NLRP3: variants seen among roughly 807,000 people sequenced by gnomAD.
NLRP3 encodes NACHT, LRR and PYD domains-containing protein 3.
In NLRP3, 48 loss-of-function variants were observed where a neutral mutation model predicts 91.3. That is an observed-to-expected ratio of 0.53 (90% CI 0.42 to 0.67). NLRP3 has a LOEUF of 0.67. NLRP3 is among the 30% of genes least tolerant of loss of function. The pLI, the probability that NLRP3 is intolerant of heterozygous loss-of-function variation, is 0.00. For missense variants in NLRP3, 982 were observed against 1,276.9 expected (o/e 0.77, Z 3.52); for synonymous variants, 561 against 507.9 (o/e 1.10, Z -1.41).
chr1:247,441,434 G>A (rs1664235792), intron 7 of NLRP3, among the ~76,000 whole-genome samples: 2 of 152,084 alleles, frequency 1.3e-5, no homozygotes, highest in South Asian at 4.1e-4. Context: ...AATTTTTTAT[G>A]TAGAGACAGG....
At chr1:247,433,525 C>T (rs1294451213) in intron 5 of NLRP3, among the ~76,000 whole-genome samples, 2 of 152,040 alleles carry the variant, frequency 1.3e-5, no homozygotes, top group African/African-American at 2.4e-5. Context: ...ACAGGTGATC[C>T]CTCTGCTGTG....
chr1:247,448,529 C>T lies in NLRP3; in HGVS notation c.*25C>T. Reference sequence around the variant, plus strand: ...GGAGTGGAAACGGGGCTGCCAGACGCCAGTGTTCTCCGGTCCCTCCAGCTG... The same window carrying T: ...GGAGTGGAAACGGGGCTGCCAGACGTCAGTGTTCTCCGGTCCCTCCAGCTG... On this transcript the variant is annotated 3_prime_UTR_variant, in exon 10 of 10. Coordinates refer to ENST00000336119, the MANE Select transcript of NLRP3 (RefSeq NM_001243133.2). 7.1e-7 allele frequency: 1 copy of T among 1,414,248 alleles called. No homozygotes were observed. The allele number at this position is 1,414,248 out of a possible 1,614,324, so 87.6% of individuals were successfully genotyped here. A position where few individuals can be genotyped will look rare whatever the true frequency, so the allele number is the denominator to read the frequency against.
At chr1:247,445,699 G>C (rs1190366049) in intron 9 of NLRP3, among the ~76,000 whole-genome samples, 1 of 152,126 alleles carries the variant, frequency 6.6e-6, no homozygotes, top group African/African-American at 2.4e-5. Context: ...CCCTGAAGAC[G>C]TTTTCACTGC....
At chr1:247,439,157 A>G (rs1375296846) in intron 7 of NLRP3, among the ~76,000 whole-genome samples, 2 of 152,172 alleles carry the variant, frequency 1.3e-5, no homozygotes, top group Admixed American at 6.5e-5. Flanking sequence ...GGTGGTATTT[A>G]TATCAGTAAT....
At chr1:247,443,900 C>T (rs1664412226) in intron 7 of NLRP3, 72 bp from the exon 8 acceptor site, 1 of 1,487,104 alleles carries the variant, frequency 6.7e-7, no homozygotes, top group Non-Finnish European at 9.3e-7. Context: ...GGACGAGGCA[C>T]TGAGTCAAAG....
intron 7 of NLRP3, among the ~76,000 whole-genome samples, chr1:247,436,346 C>G (rs541181276): frequency 2.0e-5 from 3 of 152,330 alleles, no homozygotes; most frequent in African/African-American, 7.2e-5. Flanking sequence ...GATTATAGAA[C>G]TAGAGTTTCT....
intron 7 of NLRP3, among the ~76,000 whole-genome samples, chr1:247,439,966 A>G (rs1664087292): frequency 6.6e-6 from 1 of 152,272 alleles, no homozygotes; most frequent in South Asian, 2.1e-4. Context: ...AAGTGGCATT[A>G]ATCAGTCGAG....
At chr1:247,431,452 G>A (rs1280329087) in intron 5 of NLRP3, among the ~76,000 whole-genome samples, 2 of 152,140 alleles carry the variant, frequency 1.3e-5, no homozygotes, top group Non-Finnish European at 1.5e-5. Flanking sequence ...CCTCCTACCC[G>A]AGCTGTTTTC....
chr1:247,422,019 T>G (rs1335382216), intron 2 of NLRP3, among the ~76,000 whole-genome samples: 1 of 152,070 alleles, frequency 6.6e-6, no homozygotes, highest in Non-Finnish European at 1.5e-5. Context: ...AGAATAAGAT[T>G]TTGGTTTTGG....
chr1:247,427,992 C>T (rs111635027), intron 4 of NLRP3, among the ~76,000 whole-genome samples: 5 of 112,136 alleles, frequency 4.5e-5, no homozygotes, highest in Admixed American at 8.9e-5. Flanking sequence ...GGAGCCCTGG[C>T]AGGGGGCTCA....
intron 7 of NLRP3, among the ~76,000 whole-genome samples, chr1:247,443,341 C>T (rs1478864504): frequency 1.3e-5 from 2 of 152,098 alleles, no homozygotes; most frequent in Admixed American, 6.6e-5. Context: ...GCGATCCTCC[C>T]ACCTCTCCAA....
chr1:247,418,673 G>T lies in NLRP3; in HGVS notation c.-128G>T. On this transcript the variant is annotated 5_prime_UTR_variant, in exon 2 of 10. Transcript: ENST00000336119. ...TGACATTTTTTTCTTTCTGTTTGCT[G>T]AGTTTTTGATAATTTATATCTCTCA... The T allele has an allele frequency of 8.5e-7, 1 of 1,174,310 alleles. No homozygotes were observed. The highest frequency in any genetic ancestry group is 1.2e-6 in the Non-Finnish European group (1 of 814,006). 72.7% of individuals were successfully genotyped at this position (1,174,310 alleles called of 1,614,324 possible). A position where few individuals can be genotyped will look rare whatever the true frequency, so the allele number is the denominator to read the frequency against.
chr1:247,422,378 C>A (rs1208714340), intron 2 of NLRP3, among the ~76,000 whole-genome samples: 86 of 141,822 alleles, frequency 6.1e-4, no homozygotes, highest in South Asian at 6.8e-4. Context: ...GGCCCTGTCT[C>A]AAAAAAAAAA....
In NLRP3 at chr1:247,448,408, G is replaced by A. The variant is rs1285787392; in HGVS notation, c.3009G>A (p.Leu1003=). Residue 1003 remains leucine, a synonymous_variant, in exon 10 of 10, where the codon TTG becomes TTA. Transcript: ENST00000336119. ...QQSCLLQNLG[L]SEMYFNYETK... is the part of the protein sequence containing the mutation. ...GGCTTTCTATTTGCTTTTACAGGTTGTCTGAAATGTATTTCAATTATGAGA... is the reference window on the plus strand; with the variant it reads ...GGCTTTCTATTTGCTTTTACAGGTTATCTGAAATGTATTTCAATTATGAGA... 1 of 1,585,644 alleles carries A rather than the reference G, an allele frequency of 6.3e-7. No homozygotes were observed.
intron 9 of NLRP3, among the ~76,000 whole-genome samples, chr1:247,446,380 T>C (rs540137615): frequency 6.1e-4 from 93 of 152,326 alleles, no homozygotes; most frequent in African/African-American, 2.2e-3. Flanking sequence ...CGTCTTCTTA[T>C]CACTTTCATA....
At chr1:247,448,276 T>G in intron 9 of NLRP3, 129 bp from the exon 10 acceptor site, 1 of 519,506 alleles carries the variant, frequency 1.9e-6, no homozygotes. Context: ...CTCTTTTTTT[T>G]TTTTTTTTTT....
intron 5 of NLRP3, among the ~76,000 whole-genome samples, chr1:247,432,046 A>T (rs947804726): frequency 6.6e-6 from 1 of 152,108 alleles, no homozygotes; most frequent in Non-Finnish European, 1.5e-5. Flanking sequence ...CACCACGCCC[A>T]GCTGATTTTT....
chr1:247,426,535 T>G (rs1294071576), intron 4 of NLRP3, among the ~76,000 whole-genome samples: 3 of 152,168 alleles, frequency 2.0e-5, no homozygotes, highest in Non-Finnish European at 4.4e-5. Flanking sequence ...GCTTGGCCCT[T>G]CCACAGGCAA....
chr1:247,417,009 G>A (rs1460230676), intron 1 of NLRP3, among the ~76,000 whole-genome samples: 2 of 152,168 alleles, frequency 1.3e-5, no homozygotes, highest in Non-Finnish European at 2.9e-5. Flanking sequence ...TCATCCATCC[G>A]GACTCTAGGA....
Sources: gnomAD v4.1 joint callset for allele counts (sites outside exome capture counted in the v4.1 genomes callset) on GRCh38, gnomAD v4.1.1 for gene constraint, MANE v1.5 for transcripts, NCBI Gene and HGNC (gene_info 2026-07-23, HGNC 2026-07-21) for gene names.